Variants in USP33 observed in about 807,000 individuals in gnomAD.
USP33 encodes ubiquitin specific peptidase 33, also known as ubiquitin carboxyl-terminal hydrolase 33.
Under a neutral mutation model 124.2 loss-of-function variants are expected in USP33, and 46 were observed. The ratio of observed to expected loss-of-function variants is 0.37; its 90% CI spans 0.29 to 0.47. The LOEUF (loss-of-function observed/expected upper bound fraction) is 0.47. USP33 is among the 20% of genes least tolerant of loss of function. The pLI is 0.99. For synonymous variants in USP33, 350 were observed against 352.3 expected, an observed-to-expected ratio of 0.99 and a Z score of 0.07; for missense variants, 851 against 1,070.6, an observed-to-expected ratio of 0.79 and a Z score of 2.86.
At position 77,714,740 on chromosome 1, in the gene USP33, T is replaced by G. The variant is rs568570196; in HGVS notation, c.2089A>C (p.Asn697His). 92 of 1,612,626 alleles carry G rather than the reference T, an allele frequency of 5.7e-5. 3 individuals are homozygous for G. In the South Asian group the frequency reaches 1.0e-3, roughly 18 times the overall value. The change falls in exon 19 of 24, where the codon AAT becomes CAT. Residue 697 changes from asparagine to histidine, a missense_variant. Asn to His is a moderately conservative substitution (Grantham distance 68). Coordinates refer to ENST00000370794, the MANE Select transcript of USP33 (RefSeq NM_201624.3). The part of the protein sequence containing the change: ...EAQKERRRIS[N>H]LLNIMEPSLL... ...CTTGGTTCCATTATGTTCAATAAATTTGATATCCTTCTCCTCTCTTTTTGT... is the reference window on the plus strand; with the variant it reads ...CTTGGTTCCATTATGTTCAATAAATGTGATATCCTTCTCCTCTCTTTTTGT...
chr1:77,723,406 CT>C lies in USP33; in HGVS notation c.1313del (p.Lys438ArgfsTer22). On this transcript the variant is annotated frameshift_variant, in exon 12 of 24. Coordinates refer to ENST00000370794, the MANE Select transcript of USP33 (RefSeq NM_201624.3). LOFTEE classifies it high-confidence loss of function. Reference sequence around the variant, plus strand: ...TGTCTGAAATAACACTTCTGTATTTCTTGTGCTGTTTTTTTCTCTTTGGAGA... The same window carrying C: ...TGTCTGAAATAACACTTCTGTATTTCTGTGCTGTTTTTTTCTCTTTGGAGA... ...SASPKRKKQH[K>X]KYRSVISDIF... 4 of 1,612,710 alleles carry C rather than the reference CT, an allele frequency of 2.5e-6. No individual in the cohort carries two copies. The highest frequency in any genetic ancestry group is 3.4e-6 in the Non-Finnish European group (4 of 1,179,564).
At chr1:77,735,218 T>G (rs1678301130) in intron 6 of USP33, among the ~76,000 whole-genome samples, 1 of 152,346 alleles carries the variant, frequency 6.6e-6, no homozygotes, top group East Asian at 1.9e-4. Flanking sequence ...TGGTTCAAGC[T>G]AATATTAAAA....
intron 21 of USP33, among the ~76,000 whole-genome samples, chr1:77,703,794 T>C (rs1231715217): frequency 6.6e-6 from 1 of 152,132 alleles, no homozygotes; most frequent in Non-Finnish European, 1.5e-5. Context: ...AGTGGCTCAC[T>C]TGAGACCAGA....
At chr1:77,708,872 T>C (rs577261275) in intron 21 of USP33, among the ~76,000 whole-genome samples, 2 of 152,162 alleles carry the variant, frequency 1.3e-5, no homozygotes, top group East Asian at 3.9e-4. Context: ...TTTTTTAAGA[T>C]ATAAAGTCTC....
chr1:77,734,243 C>T (rs2101504590), intron 7 of USP33, 104 bp downstream of exon 7: 1 of 839,348 alleles, frequency 1.2e-6, no homozygotes, highest in Non-Finnish European at 1.9e-6. Flanking sequence ...AGATTCTTGC[C>T]TGTTCTACCT....
intron 7 of USP33, among the ~76,000 whole-genome samples, chr1:77,734,115 A>C (rs1306462471): frequency 1.3e-5 from 2 of 152,222 alleles, no homozygotes; most frequent in Non-Finnish European, 2.9e-5. Flanking sequence ...GTAAGAAACA[A>C]TAACTTGCTC....
At chr1:77,754,968 G>A (rs1323622826) in intron 1 of USP33, among the ~76,000 whole-genome samples, 1 of 152,104 alleles carries the variant, frequency 6.6e-6, no homozygotes. Flanking sequence ...ATAATGAATG[G>A]CAAAATATGG....
chr1:77,736,183 A>C, intron 5 of USP33, 25 bp from the exon 6 acceptor site: 1 of 1,495,554 alleles, frequency 6.7e-7, no homozygotes, highest in East Asian at 2.3e-5. Flanking sequence ...AAGATAGCAC[A>C]CTTGAACAAA....
rs575191310 is a variant in USP33 at position 77,720,499 on chromosome 1, T to C, written c.1691+673A>G. On this transcript the variant is annotated intron_variant, in intron 15 of 23. Transcript: ENST00000370794. ...ACCATTCCTTTCTGTCATGTCATGA[T>C]CAGTTGCAGATCAATGTTTCCTTTA... 1.2e-4 allele frequency: 115 copies of C among 985,430 alleles called. No individual in the cohort carries two copies. The African/African-American group carries it at 1.9e-3, about 16-fold the overall frequency. 61.0% of individuals were successfully genotyped at this position (985,430 alleles called of 1,614,324 possible).
chr1:77,758,237 G>C (rs897963094), intron 1 of USP33, among the ~76,000 whole-genome samples: 4 of 136,360 alleles, frequency 2.9e-5, no homozygotes, highest in Non-Finnish European at 6.1e-5. Flanking sequence ...CTGGAGTGCA[G>C]TGGCATGATC....
At chr1:77,721,771 G>T in intron 14 of USP33, 60 bp downstream of exon 14, 1 of 1,431,632 alleles carries the variant, frequency 7.0e-7, no homozygotes, top group South Asian at 1.3e-5. Context: ...TTATTATTTA[G>T]TCCCACTAGT....
chr1:77,718,716 T>C (rs749927078), intron 15 of USP33, 75 bp from the exon 16 acceptor site: 19 of 1,199,830 alleles, frequency 1.6e-5, no homozygotes, highest in Non-Finnish European at 2.2e-5. Context: ...AAAAATCTTT[T>C]AGAAAATGCA....
In USP33 at chr1:77,726,528, G is replaced by T. The variant is rs371977047; in HGVS notation, c.1136-766C>A. Among the ~76,000 whole-genome samples, 37 of 151,676 alleles carry T rather than the reference G, an allele frequency of 2.4e-4. No homozygotes were observed. In the East Asian group the frequency reaches 4.7e-3, roughly 19 times the overall value. On this transcript the variant is annotated intron_variant, in intron 10 of 23. Transcript: ENST00000370794. Reference sequence around the variant, plus strand: ...GGGCATGGTGGTGTACACCTGTAGTGCTGGCTACTCAAGAGGCTGAGGTGG... The same window carrying T: ...GGGCATGGTGGTGTACACCTGTAGTTCTGGCTACTCAAGAGGCTGAGGTGG...
intron 1 of USP33, among the ~76,000 whole-genome samples, chr1:77,752,996 T>C (rs1166450060): frequency 5.9e-5 from 9 of 152,108 alleles, no homozygotes; most frequent in Admixed American, 5.9e-4. Context: ...TGGGAATTGC[T>C]GGAACCCGCG....
intron 15 of USP33, among the ~76,000 whole-genome samples, chr1:77,719,541 T>G (rs1056053872): frequency 6.6e-6 from 1 of 151,868 alleles, no homozygotes; most frequent in African/African-American, 2.4e-5. Context: ...TTTATAAAAT[T>G]TGTAGTTCAA....
chr1:77,707,643 T>C (rs1674778103), intron 21 of USP33, among the ~76,000 whole-genome samples: 1 of 152,202 alleles, frequency 6.6e-6, no homozygotes, highest in Admixed American at 6.5e-5. Flanking sequence ...CAGACAAGAC[T>C]ACTAAGGGTT....
chr1:77,701,795 G>A (rs927458439), intron 21 of USP33: 5 of 184,962 alleles, frequency 2.7e-5, no homozygotes, highest in East Asian at 2.9e-4. Context: ...TCAGCCTCCC[G>A]GGTAGCTAGG....
chr1:77,720,186 A>AC (rs1676423978), intron 15 of USP33: 4 of 477,016 alleles, frequency 8.4e-6, no homozygotes, highest in East Asian at 1.5e-4. Context: ...AAAAAAAAAA[A>AC]AAAAAAAACC....
Position 77,726,576 on chromosome 1 carries a change from G to T in USP33, c.1136-814C>A, listed in dbSNP as rs61777136. Among the ~76,000 whole-genome samples, 78 of 151,344 alleles carry T rather than the reference G, an allele frequency of 5.2e-4. 1 individual carries two copies. Among genetic ancestry groups the T allele is most frequent in the South Asian group, 1.7e-3 (8 of 4,766 alleles). On this transcript the variant is annotated intron_variant, in intron 10 of 23. Coordinates refer to ENST00000370794, the MANE Select transcript of USP33 (RefSeq NM_201624.3). ...TGGGAGGATCACTTGAGCCCAGGAG[G>T]TTGAGGCTGTGGTGAGATGTGATCA...
Sources: allele counts gnomAD v4.1 joint callset (sites outside exome capture counted in the v4.1 genomes callset), GRCh38; gene constraint gnomAD v4.1.1; transcripts MANE v1.5; gene names NCBI Gene and HGNC (gene_info 2026-07-23, HGNC 2026-07-21).